The following THADA variants were observed in gnomAD, a reference collection of about 807,000 sequenced individuals.
The protein encoded by THADA is tRNA (32-2'-O)-methyltransferase regulator THADA.
THADA carries 213 observed loss-of-function variants against 219.8 expected under a neutral mutation model. The ratio of observed to expected loss-of-function variants is 0.97; its 90% CI spans 0.87 to 1.09. The LOEUF (loss-of-function observed/expected upper bound fraction) is 1.09, where lower values mean the gene tolerates loss of function less well. Among genes scored for constraint, THADA ranks in the 50% least tolerant of loss-of-function variants. The probability of loss-of-function intolerance (pLI) is 0.00; values close to 1 mark genes in which losing one functional copy is unlikely to be tolerated. For synonymous variants in THADA, 1,018 were observed against 828.9 expected (o/e 1.23, Z -3.92); for missense variants, 2,956 against 2,311.3 (o/e 1.28, Z -5.72).
At chr2:43,341,111 A>G (rs1287987524) in intron 30 of THADA, among the ~76,000 whole-genome samples, 2 of 152,246 alleles carry the variant, frequency 1.3e-5, no homozygotes, top group East Asian at 1.9e-4. Context: ...CTCTGAACAC[A>G]TTCTGATTAA....
Position 43,248,158 on chromosome 2 carries a change from TATATATAGAGAGAGAGAGAG to T in THADA, c.5297-15296_5297-15277del, listed in dbSNP as rs1341186969. Among the ~76,000 whole-genome samples the T allele has an allele frequency of 6.3e-3, 407 of 65,040 alleles. 1 individual carries two copies. Among genetic ancestry groups the T allele is most frequent in the Admixed American group, 0.027 (157 of 5,884 alleles). 42.7% of individuals were successfully genotyped at this position (65,040 alleles called of 152,430 possible). ...ATATATATATATATATATATATATATATATATAGAGAGAGAGAGAGAGAGAGAGAGAGAGAGAGAGAGAGA... is the reference window on the plus strand; with the variant it reads ...ATATATATATATATATATATATATATAGAGAGAGAGAGAGAGAGAGAGAGA... On this transcript the variant is annotated intron_variant, in intron 36 of 37. Coordinates refer to ENST00000405975, the MANE Select transcript of THADA (RefSeq NM_022065.5).
At chr2:43,496,438 C>T (rs1046490571) in intron 25 of THADA, among the ~76,000 whole-genome samples, 2 of 152,126 alleles carry the variant, frequency 1.3e-5, no homozygotes, top group African/African-American at 4.8e-5. Context: ...TAACCTCTTC[C>T]ATTTCAATGT....
At chr2:43,515,081 TA>T (rs1216078295) in intron 22 of THADA, among the ~76,000 whole-genome samples, 16 of 24,692 alleles carry the variant, frequency 6.5e-4, no homozygotes, top group South Asian at 1.1e-3. Context: ...ATATAATATA[TA>T]TAAATATATA....
intron 28 of THADA, among the ~76,000 whole-genome samples, chr2:43,426,458 C>A (rs556295158): frequency 6.6e-6 from 1 of 152,184 alleles, no homozygotes; most frequent in Non-Finnish European, 1.5e-5. Context: ...TTTCTTAGTT[C>A]TTTCCACTTA....
At chr2:43,574,288 TA>T (rs1699602744) in intron 11 of THADA, 47 bp downstream of exon 11, 2 of 1,296,514 alleles carry the variant, frequency 1.5e-6, no homozygotes, top group Non-Finnish European at 2.1e-6. Flanking sequence ...TACCTACATT[TA>T]AGCATCATAA....
chr2:43,359,335 C>T (rs1408082863), intron 29 of THADA, among the ~76,000 whole-genome samples: 1 of 152,188 alleles, frequency 6.6e-6, no homozygotes, highest in Non-Finnish European at 1.5e-5. Flanking sequence ...AACCAAGGGG[C>T]CTGTGATATC....
intron 25 of THADA, among the ~76,000 whole-genome samples, chr2:43,490,947 A>C (rs1241203579): frequency 2.0e-5 from 3 of 152,152 alleles, no homozygotes; most frequent in Non-Finnish European, 4.4e-5. Flanking sequence ...AGAATTCTGT[A>C]AGTTATACAG....
At chr2:43,305,777 C>T (rs1291906313) in intron 31 of THADA, among the ~76,000 whole-genome samples, 1 of 152,186 alleles carries the variant, frequency 6.6e-6, no homozygotes, top group Admixed American at 6.5e-5. Flanking sequence ...ACCATCCCAT[C>T]TCAGCCTTTG....
chr2:43,556,410 G>C lies in THADA; in HGVS notation c.2609C>G (p.Thr870Ser). ...ALPSSLSAYLTQQVACDNGDR... is the reference protein window; with the variant it reads ...ALPSSLSAYLSQQVACDNGDR... Reference sequence around the variant, plus strand: ...TCCATTATCACATGCAACTTGCTGAGTTAAGTAGGCAGACAAGGATGACGG... The same window carrying C: ...TCCATTATCACATGCAACTTGCTGACTTAAGTAGGCAGACAAGGATGACGG... The change falls in exon 17 of 38, where the codon ACT becomes AGT. Residue 870 changes from threonine to serine, a missense_variant. By Grantham distance (58) the Thr-to-Ser change is moderately conservative. Transcript: ENST00000405975. The C allele has an allele frequency of 6.2e-7, 1 of 1,613,840 alleles. No individual in the cohort carries two copies. Among genetic ancestry groups the C allele is most frequent in the Middle Eastern group, 1.7e-4 (1 of 6,060 alleles).
intron 28 of THADA, among the ~76,000 whole-genome samples, chr2:43,426,521 T>A (rs1678449262): frequency 6.6e-6 from 1 of 152,198 alleles, no homozygotes; most frequent in African/African-American, 2.4e-5. Flanking sequence ...ACCACCCAAA[T>A]TCCTAAAATG....
chr2:43,350,061 G>C (rs573201456), intron 29 of THADA, among the ~76,000 whole-genome samples: 1 of 152,336 alleles, frequency 6.6e-6, no homozygotes, highest in South Asian at 2.1e-4. Flanking sequence ...TCTATGCTGG[G>C]AATGTACAGT....
intron 30 of THADA, among the ~76,000 whole-genome samples, chr2:43,322,083 T>G (rs530692335): frequency 6.6e-6 from 1 of 152,128 alleles, no homozygotes; most frequent in African/African-American, 2.4e-5. Flanking sequence ...TCCCCTAGGC[T>G]GGAGTGTGGT....
chr2:43,349,491 C>G (rs1378978298), intron 29 of THADA, among the ~76,000 whole-genome samples: 2 of 152,180 alleles, frequency 1.3e-5, no homozygotes, highest in Admixed American at 1.3e-4. Context: ...TGCTGCTGGA[C>G]TAAAATAGCA....
intron 22 of THADA, among the ~76,000 whole-genome samples, chr2:43,513,675 G>A (rs1181268308): frequency 2.6e-5 from 4 of 152,068 alleles, no homozygotes; most frequent in Non-Finnish European, 5.9e-5. Flanking sequence ...CTGATAGAGA[G>A]GAAAGAGCCT....
chr2:43,559,907 A>G (rs747465462), intron 16 of THADA, among the ~76,000 whole-genome samples: 4 of 152,220 alleles, frequency 2.6e-5, no homozygotes, highest in African/African-American at 7.2e-5. Context: ...CGAATATTAC[A>G]TGTCCAAGGG....
intron 31 of THADA, among the ~76,000 whole-genome samples, chr2:43,307,412 C>T (rs2104425408): frequency 6.6e-6 from 1 of 151,786 alleles, no homozygotes; most frequent in African/African-American, 2.4e-5. Flanking sequence ...CAGCTGAATA[C>T]TGATTTGCAC....
chr2:43,248,164 T>TATAGAG (rs1669412946), intron 36 of THADA, among the ~76,000 whole-genome samples: 5 of 40,938 alleles, frequency 1.2e-4, no homozygotes, highest in East Asian at 7.8e-4. Context: ...TATATATATA[T>TATAGAG]AGAGAGAGAG....
At chr2:43,514,557 A>ATCT in intron 22 of THADA, among the ~76,000 whole-genome samples, 1 of 102,802 alleles carries the variant, frequency 9.7e-6, no homozygotes, top group Non-Finnish European at 1.9e-5. Context: ...ACACAATATA[A>ATCT]ATAATATACA....
chr2:43,537,851 G>A (rs984963542), intron 21 of THADA, among the ~76,000 whole-genome samples: 5 of 151,440 alleles, frequency 3.3e-5, no homozygotes, highest in African/African-American at 1.2e-4. Context: ...CAAATATTTG[G>A]GAGGCTTAAG....
Sources: allele counts gnomAD v4.1 joint callset (sites outside exome capture counted in the v4.1 genomes callset), GRCh38; gene constraint gnomAD v4.1.1; transcripts MANE v1.5; gene names NCBI Gene and HGNC (gene_info 2026-07-23, HGNC 2026-07-21).